The following ALG9 variants were observed in gnomAD, a reference collection of about 807,000 sequenced individuals.
ALG9 encodes the protein ALG9 alpha-1,2-mannosyltransferase.
ALG9 carries 55 observed loss-of-function variants against 81.8 expected under a neutral mutation model. The ratio of observed to expected loss-of-function variants is 0.67; its 90% CI spans 0.54 to 0.84. The LOEUF (loss-of-function observed/expected upper bound fraction) is 0.84, where lower values mean the gene tolerates loss of function less well. ALG9 is among the 40% of genes least tolerant of loss of function. The pLI is 0.00. For missense variants in ALG9, 629 were observed against 745.0 expected (o/e 0.84, Z 1.81); for synonymous variants, 278 against 274.3 (o/e 1.01, Z -0.13).
At chr11:111,839,488 G>C (rs113371910) in intron 10 of ALG9, among the ~76,000 whole-genome samples, 37 of 150,816 alleles carry the variant, frequency 2.5e-4, no homozygotes, top group African/African-American at 8.5e-4. Flanking sequence ...GGGGGACTGA[G>C]GCAGGAGAAT....
At chr11:111,812,787 G>A (rs1950917432) in intron 13 of ALG9, among the ~76,000 whole-genome samples, 1 of 151,316 alleles carries the variant, frequency 6.6e-6, no homozygotes, top group Non-Finnish European at 1.5e-5. Context: ...CATGGTGGTG[G>A]GCATCTGTAG....
chr11:111,778,619 A>AT (rs1945758563), downstream of ALG9, among the ~76,000 whole-genome samples: 1 of 152,020 alleles, frequency 6.6e-6, no homozygotes, highest in African/African-American at 2.4e-5. Context: ...TTGCCTGTTT[A>AT]ATTACCTTTG....
intron 13 of ALG9, among the ~76,000 whole-genome samples, chr11:111,828,283 G>A (rs189310203): frequency 7.9e-5 from 12 of 152,284 alleles, no homozygotes; most frequent in Admixed American, 7.2e-4. Context: ...GAATTACACC[G>A]CCAATGGATA....
At chr11:111,798,850 G>T (rs1341920179) in intron 14 of ALG9, among the ~76,000 whole-genome samples, 1 of 152,128 alleles carries the variant, frequency 6.6e-6, no homozygotes, top group Non-Finnish European at 1.5e-5. Context: ...AAACTAATGG[G>T]GTCTGGGGTT....
At chr11:111,845,941 T>G (rs1555129230) in intron 8 of ALG9, among the ~76,000 whole-genome samples, 2 of 152,162 alleles carry the variant, frequency 1.3e-5, no homozygotes, top group African/African-American at 4.8e-5. Context: ...TGCGTCACCT[T>G]TGGGGGAAGC....
At chr11:111,843,698 T>C (rs1273681506) in intron 9 of ALG9, among the ~76,000 whole-genome samples, 2 of 152,108 alleles carry the variant, frequency 1.3e-5, no homozygotes, top group Non-Finnish European at 2.9e-5. Flanking sequence ...AGGCACTAGA[T>C]ATCCAGAGCC....
At chr11:111,861,422 T>C (rs1376167420) in intron 4 of ALG9, among the ~76,000 whole-genome samples, 1 of 152,226 alleles carries the variant, frequency 6.6e-6, no homozygotes, top group Non-Finnish European at 1.5e-5. Flanking sequence ...CTGTTAATGA[T>C]AAATTCCGTT....
chr11:111,844,838 A>G, intron 8 of ALG9, 115 bp from the exon 9 acceptor site: 1 of 1,190,286 alleles, frequency 8.4e-7, no homozygotes, highest in Non-Finnish European at 1.2e-6. Context: ...GCCTCATGGG[A>G]ATGAGAGTGC....
intron 13 of ALG9, chr11:111,828,880 T>C (rs1555111158): frequency 6.6e-6 from 1 of 152,192 alleles, no homozygotes; most frequent in East Asian, 1.9e-4. Flanking sequence ...ATCAGCCTAT[T>C]AGTGTATATC....
chr11:111,826,092 A>ATAATAT (rs1178369045), intron 13 of ALG9, among the ~76,000 whole-genome samples: 1 of 147,550 alleles, frequency 6.8e-6, no homozygotes, highest in Admixed American at 6.8e-5. Context: ...AATAATAATA[A>ATAATAT]TAATAATATG....
downstream of ALG9, among the ~76,000 whole-genome samples, chr11:111,781,742 G>A (rs1555057006): frequency 6.6e-6 from 1 of 152,122 alleles, no homozygotes; most frequent in East Asian, 1.9e-4. Context: ...CCACCTCCCA[G>A]GTTCAAGTGA....
In ALG9 at chr11:111,840,757, C is replaced by T. The variant is rs1443640332; in HGVS notation, c.1071G>A (p.Trp357Ter). 1.9e-6 allele frequency: 3 copies of T among 1,613,822 alleles called. No individual in the cohort carries two copies. The highest frequency in any genetic ancestry group is 2.5e-6 in the Non-Finnish European group (3 of 1,179,988). Residue 357 changes from tryptophan (W) to a stop codon, truncating the protein, a stop_gained, in exon 10 of 15, where the codon TGG becomes TGA. Coordinates refer to ENST00000616540, the MANE Select transcript of ALG9 (RefSeq NM_024740.2). LOFTEE classifies it high-confidence loss of function. Reference sequence around the variant, plus strand: ...GAGGCTGGATGAAGAAAATTATAAACCAAATATACATTGGAGCCAAGGTAA... The same window carrying T: ...GAGGCTGGATGAAGAAAATTATAAATCAAATATACATTGGAGCCAAGGTAA... ...YWLTLAPMYI[W>*]FIIFFIQPHK...
chr11:111,837,682 G>A, intron 11 of ALG9, 67 bp from the exon 12 acceptor site: 1 of 1,545,444 alleles, frequency 6.5e-7, no homozygotes, highest in Admixed American at 1.7e-5. Flanking sequence ...TAATTATACT[G>A]CTCATTAATG....
chr11:111,844,704 G>T lies in ALG9; in HGVS notation c.915C>A (p.Phe305Leu). The T allele has an allele frequency of 1.2e-6, 2 of 1,613,924 alleles. No homozygotes were observed. Among genetic ancestry groups the T allele is most frequent in the South Asian group, 1.1e-5 (1 of 91,076 alleles). Reference sequence around the variant, plus strand: ...AATTCAGAAATCCATTAATTAAATAGAAATACCAGGGTTCTGTACCTGAGG... The same window carrying T: ...AATTCAGAAATCCATTAATTAAATATAAATACCAGGGTTCTGTACCTGAGG... ...PDLYGTEPWY[F>L]YLINGFLNFN... The change falls in exon 9 of 15, where the codon TTC (phenylalanine) becomes TTA (leucine). Residue 305 changes from phenylalanine to leucine, a missense_variant. This residue lies in a region of ALG9 where 344 missense variants were observed against 390.5 expected (regional missense o/e 0.88). Transcript: ENST00000616540.
intron 1 of ALG9, chr11:111,870,887 T>C (rs1964103870): frequency 4.0e-6 from 4 of 1,000,408 alleles, no homozygotes; most frequent in South Asian, 9.0e-5. Context: ...AGGTGCAAGG[T>C]ACATAGCCTA....
intron 5 of ALG9, among the ~76,000 whole-genome samples, chr11:111,859,650 G>C (rs190778963): frequency 7.4e-4 from 113 of 152,236 alleles, no homozygotes; most frequent in African/African-American, 2.4e-3. Context: ...GAGGACAAAG[G>C]GGGCAGAGGA....
At chr11:111,838,168 GTAT>G in intron 11 of ALG9, 78 bp downstream of exon 11, 1 of 1,552,200 alleles carries the variant, frequency 6.4e-7, no homozygotes, top group South Asian at 1.1e-5. Flanking sequence ...AGCCAAATAT[GTAT>G]TATATAATCA....
In ALG9 at chr11:111,786,334, G is replaced by T; in HGVS notation, c.*63C>A. On this transcript the variant is annotated 3_prime_UTR_variant, in exon 15 of 15. Transcript: ENST00000616540. ...AATGTTACAGGCGATGACTTGCAGG[G>T]AGTCAGGTCACTGGAATCAATAGTT... is the stretch of plus-strand genomic sequence containing the variant. 1 of 1,607,862 alleles carries T rather than the reference G, an allele frequency of 6.2e-7. No individual in the cohort carries two copies. Among genetic ancestry groups the T allele is most frequent in the South Asian group, 1.1e-5 (1 of 90,630 alleles).
intron 14 of ALG9, among the ~76,000 whole-genome samples, chr11:111,805,947 C>G (rs1310498185): frequency 6.6e-6 from 1 of 152,132 alleles, no homozygotes; most frequent in Non-Finnish European, 1.5e-5. Flanking sequence ...ACTTCCGCCT[C>G]CCAGGTTCAA....
Sources: gnomAD v4.1 joint callset for allele counts (sites outside exome capture counted in the v4.1 genomes callset) on GRCh38, gnomAD v4.1.1 for gene constraint, gnomAD v4.1.1 regional missense constraint, MANE v1.5 for transcripts, NCBI Gene and HGNC (gene_info 2026-07-23, HGNC 2026-07-21) for gene names.